DOCK3: variants seen among roughly 807,000 people sequenced by gnomAD.
The protein encoded by DOCK3 is dedicator of cytokinesis protein 3.
In DOCK3, 60 loss-of-function variants were observed where a neutral mutation model predicts 265.6. The ratio of observed to expected loss-of-function variants is 0.23; its 90% confidence interval spans 0.18 to 0.28. The LOEUF (loss-of-function observed/expected upper bound fraction) is 0.28, where lower values mean the gene tolerates loss of function less well. Among genes scored for constraint, DOCK3 ranks in the 10% least tolerant of loss-of-function variants. DOCK3 has a pLI of 1.00. For missense variants in DOCK3, 1,981 were observed against 2,594.3 expected (o/e 0.76, Z 5.14); for synonymous variants, 881 against 938.0 (o/e 0.94, Z 1.11).
chr3:51,240,450 C>T (rs2078560562), intron 21 of DOCK3, among the ~76,000 whole-genome samples: 1 of 152,138 alleles, frequency 6.6e-6, no homozygotes, highest in Admixed American at 6.5e-5. Flanking sequence ...CTATCAGGTC[C>T]ATTTGATCTA....
At chr3:51,011,199 A>G (rs1352761911) in intron 5 of DOCK3, among the ~76,000 whole-genome samples, 1 of 152,090 alleles carries the variant, frequency 6.6e-6, no homozygotes, top group African/African-American at 2.4e-5. Context: ...CTCCTGGATA[A>G]TATCCTGCAG....
At position 51,161,443 on chromosome 3, in the gene DOCK3, C is replaced by CA. The variant is rs1160336812; in HGVS notation, c.1037+753dup. On this transcript the variant is annotated intron_variant, in intron 12 of 52. Transcript: ENST00000266037. ...TGGGCAACAGAGTGAGACTCCGTCTCAAAAAAAAAAAAGAAAGAAAAAAAG... is the reference window on the plus strand; with the variant it reads ...TGGGCAACAGAGTGAGACTCCGTCTCAAAAAAAAAAAAAGAAAGAAAAAAAG... Among the ~76,000 whole-genome samples, 479 of 121,682 alleles carry CA rather than the reference C, an allele frequency of 3.9e-3. 4 individuals are homozygous for CA. The highest frequency in any genetic ancestry group is 0.011 in the African/African-American group (359 of 32,676). 79.8% of individuals were successfully genotyped at this position (121,682 alleles called of 152,430 possible). A position where few individuals can be genotyped will look rare whatever the true frequency, so the allele number is the denominator to read the frequency against.
rs949855991 is a variant in DOCK3 at position 50,918,542 on chromosome 3, A to G, written c.219-15439A>G. On this transcript the variant is annotated intron_variant, in intron 4 of 52. Coordinates refer to ENST00000266037, the MANE Select transcript of DOCK3 (RefSeq NM_004947.5). ...TGAGCCTTTTTTCATGTGTCTGTTG[A>G]CTGCATAAATGTCTTCTTTTGAGAA... 2.5e-4 allele frequency among the ~76,000 whole-genome samples: 38 copies of G among 151,998 alleles called. 1 individual carries two copies. Among genetic ancestry groups the G allele is most frequent in the African/African-American group, 8.2e-4 (34 of 41,344 alleles).
intron 3 of DOCK3, among the ~76,000 whole-genome samples, chr3:50,875,396 C>T (rs1324856550): frequency 2.0e-5 from 3 of 152,036 alleles, no homozygotes; most frequent in Non-Finnish European, 4.4e-5. Flanking sequence ...GAAAGACTTT[C>T]AATTTTTCCC....
At chr3:51,269,244 A>G (rs942013460) in intron 23 of DOCK3, among the ~76,000 whole-genome samples, 2 of 150,496 alleles carry the variant, frequency 1.3e-5, no homozygotes, top group African/African-American at 4.9e-5. Context: ...GTTAGACTTT[A>G]TATCTTTGAT....
intron 2 of DOCK3, among the ~76,000 whole-genome samples, chr3:50,837,581 A>T (rs942328500): frequency 6.6e-6 from 1 of 152,162 alleles, no homozygotes; most frequent in African/African-American, 2.4e-5. Context: ...TGGGGATTAG[A>T]ATTGAGATTA....
chr3:51,291,955 A>G (rs1396583180), intron 27 of DOCK3, among the ~76,000 whole-genome samples: 3 of 152,364 alleles, frequency 2.0e-5, no homozygotes, highest in East Asian at 3.9e-4. Flanking sequence ...ACTCAGATCA[A>G]TAAATGTGAT....
chr3:51,032,816 G>T (rs556586175), intron 5 of DOCK3, among the ~76,000 whole-genome samples: 26 of 152,134 alleles, frequency 1.7e-4, no homozygotes, highest in Non-Finnish European at 2.5e-4. Flanking sequence ...GGAGGCTAAG[G>T]TGGGAGGATT....
intron 1 of DOCK3, among the ~76,000 whole-genome samples, chr3:50,741,184 A>G (rs1156390390): frequency 1.3e-5 from 2 of 151,836 alleles, no homozygotes; most frequent in Admixed American, 6.6e-5. Context: ...TTATCCACTA[A>G]TATACACTTA....
At chr3:51,314,221 C>T (rs1380311448) in intron 31 of DOCK3, among the ~76,000 whole-genome samples, 2 of 152,174 alleles carry the variant, frequency 1.3e-5, no homozygotes, top group African/African-American at 4.8e-5. Flanking sequence ...CTTCTGGTAA[C>T]ATACCCTAGA....
At chr3:51,174,353 C>G (rs563452219) in intron 12 of DOCK3, among the ~76,000 whole-genome samples, 1 of 152,174 alleles carries the variant, frequency 6.6e-6, no homozygotes, top group East Asian at 1.9e-4. Context: ...CCTATAATCC[C>G]AGCTACTTGG....
intron 24 of DOCK3, among the ~76,000 whole-genome samples, chr3:51,272,438 G>C (rs1338587389): frequency 3.0e-5 from 3 of 100,658 alleles, no homozygotes; most frequent in Admixed American, 1.3e-4. Context: ...CACCATGCCT[G>C]GCTAATTTTT....
intron 5 of DOCK3, among the ~76,000 whole-genome samples, chr3:50,960,220 G>T (rs1177419995): frequency 1.3e-5 from 2 of 152,128 alleles, no homozygotes; most frequent in Non-Finnish European, 2.9e-5. Context: ...ATATCTAGGA[G>T]TAGTATTTCT....
intron 1 of DOCK3, among the ~76,000 whole-genome samples, chr3:50,692,595 T>C (rs1576117634): frequency 6.6e-6 from 1 of 152,168 alleles, no homozygotes; most frequent in South Asian, 2.1e-4. Flanking sequence ...GGCCCAGGGG[T>C]TAGGGACCCC....
At chr3:51,072,939 C>T (rs1001928688) in intron 6 of DOCK3, among the ~76,000 whole-genome samples, 1 of 150,344 alleles carries the variant, frequency 6.7e-6, no homozygotes, top group Non-Finnish European at 1.5e-5. Flanking sequence ...AATTCCTGAT[C>T]TCAAGCAGTC....
At chr3:51,249,826 A>ATTT (rs1395056476) in intron 22 of DOCK3, among the ~76,000 whole-genome samples, 1 of 147,646 alleles carries the variant, frequency 6.8e-6, no homozygotes, top group Non-Finnish European at 1.5e-5. Flanking sequence ...GCTTTGTGGA[A>ATTT]TAGAAAGGGG....
chr3:51,292,614 TAAAG>T (rs2081848314), intron 27 of DOCK3, among the ~76,000 whole-genome samples: 1 of 152,000 alleles, frequency 6.6e-6, no homozygotes, highest in South Asian at 2.1e-4. Context: ...TCTACAAAAA[TAAAG>T]AAGTTACAAA....
chr3:50,903,039 C>T (rs543798419), intron 4 of DOCK3, among the ~76,000 whole-genome samples: 16 of 152,206 alleles, frequency 1.1e-4, no homozygotes, highest in Admixed American at 4.6e-4. Flanking sequence ...GAGACTTTGC[C>T]GATGTGGCCT....
intron 5 of DOCK3, among the ~76,000 whole-genome samples, chr3:50,968,773 CT>C (rs1416554292): frequency 6.6e-6 from 1 of 152,168 alleles, no homozygotes; most frequent in Non-Finnish European, 1.5e-5. Flanking sequence ...TGGTCTTGAT[CT>C]TTTGACCTCA....
Sources: gnomAD v4.1 joint callset for allele counts (sites outside exome capture counted in the v4.1 genomes callset) on GRCh38, gnomAD v4.1.1 for gene constraint, MANE v1.5 for transcripts, NCBI Gene and HGNC (gene_info 2026-07-23, HGNC 2026-07-21) for gene names.